Variants in ASIC2 observed in about 807,000 individuals in gnomAD.
ASIC2 encodes the protein acid sensing ion channel subunit 2, also known as acid-sensing ion channel 2.
Under a neutral mutation model 57.3 loss-of-function variants are expected in ASIC2, and 25 were observed. The ratio of observed to expected loss-of-function variants is 0.44; its 90% CI spans 0.32 to 0.61. The LOEUF (loss-of-function observed/expected upper bound fraction) is 0.61, where lower values mean the gene tolerates loss of function less well. ASIC2 is among the 20% of genes least tolerant of loss of function. The pLI is 0.06. For missense variants in ASIC2, 641 were observed against 738.1 expected, an observed-to-expected ratio of 0.87 and a Z score of 1.52; for synonymous variants, 319 against 307.5, an observed-to-expected ratio of 1.04 and a Z score of -0.39.
chr17:33,960,201 C>T (rs1454358140), intron 1 of ASIC2, among the ~76,000 whole-genome samples: 2 of 152,198 alleles, frequency 1.3e-5, no homozygotes, highest in African/African-American at 2.4e-5. Context: ...GAAGTGCTAG[C>T]CCGCAGCTGC....
chr17:33,347,141 A>G (rs1033543039), intron 1 of ASIC2, among the ~76,000 whole-genome samples: 15 of 152,142 alleles, frequency 9.9e-5, no homozygotes, highest in African/African-American at 3.6e-4. Context: ...GGAAGGAAAG[A>G]TGAATGGGAA....
intron 1 of ASIC2, among the ~76,000 whole-genome samples, chr17:33,986,588 A>G (rs933241902): frequency 2.0e-5 from 3 of 152,118 alleles, no homozygotes; most frequent in Admixed American, 6.5e-5. Context: ...TTTATCTTTA[A>G]TTCTGCAAGA....
chr17:33,649,439 CT>C lies in ASIC2; in HGVS notation c.555+506538del, dbSNP rs1163027425. Among the ~76,000 whole-genome samples the C allele has an allele frequency of 2.0e-5, 3 of 152,176 alleles. No individual in the cohort carries two copies. The East Asian group carries it at 5.8e-4, about 29-fold the overall frequency. ...CATACCATGTTCACGGATTGAAAAA[CT>C]CGACATATCAACTCTTCCCAAATTG... On this transcript the variant is annotated intron_variant, in intron 1 of 9. Coordinates refer to the ASIC2 transcript ENST00000359872.
chr17:33,610,526 C>G (rs1372494189), intron 1 of ASIC2, among the ~76,000 whole-genome samples: 1 of 151,790 alleles, frequency 6.6e-6, no homozygotes, highest in Non-Finnish European at 1.5e-5. Flanking sequence ...TATTATTTTT[C>G]TTTTTTTGGA....
At chr17:33,520,165 G>T (rs747106510) in intron 1 of ASIC2, among the ~76,000 whole-genome samples, 1 of 152,044 alleles carries the variant, frequency 6.6e-6, no homozygotes. Context: ...TTTGGGGGAG[G>T]GTCATTAATA....
intron 1 of ASIC2, among the ~76,000 whole-genome samples, chr17:33,524,303 G>A (rs1005961365): frequency 1.3e-5 from 2 of 152,156 alleles, no homozygotes; most frequent in African/African-American, 4.8e-5. Flanking sequence ...CATCGTCAGG[G>A]TAAGTATTAT....
intron 1 of ASIC2, among the ~76,000 whole-genome samples, chr17:33,502,665 A>T (rs1046016066): frequency 2.0e-5 from 3 of 152,226 alleles, no homozygotes; most frequent in Non-Finnish European, 4.4e-5. Flanking sequence ...CCGGGTTACA[A>T]TCCCAACCAT....
At chr17:33,544,639 G>A (rs548401990) in intron 1 of ASIC2, among the ~76,000 whole-genome samples, 1 of 152,164 alleles carries the variant, frequency 6.6e-6, no homozygotes, top group African/African-American at 2.4e-5. Context: ...ATTTTAAGAT[G>A]CGCCATTATT....
intron 3 of ASIC2, among the ~76,000 whole-genome samples, chr17:33,062,063 T>C (rs2092022974): frequency 6.6e-6 from 1 of 152,192 alleles, no homozygotes; most frequent in Non-Finnish European, 1.5e-5. Context: ...TTCTTCTTTA[T>C]TAGTCTTGCT....
intron 1 of ASIC2, among the ~76,000 whole-genome samples, chr17:33,476,214 C>A (rs1196595114): frequency 6.6e-6 from 1 of 152,142 alleles, no homozygotes; most frequent in South Asian, 2.1e-4. Flanking sequence ...TTCTCCTATT[C>A]TCAGTCCCAG....
At chr17:33,155,560 C>CT (rs1904969177) in intron 1 of ASIC2, among the ~76,000 whole-genome samples, 2 of 118,970 alleles carry the variant, frequency 1.7e-5, no homozygotes, top group Non-Finnish European at 1.8e-5. Context: ...TTCTTTCTTT[C>CT]TTTCTTTTTT....
chr17:33,469,941 C>T (rs754676805), intron 1 of ASIC2, among the ~76,000 whole-genome samples: 3 of 152,136 alleles, frequency 2.0e-5, no homozygotes, highest in Non-Finnish European at 2.9e-5. Flanking sequence ...AGATGAGTAA[C>T]AGCTTGGACT....
chr17:33,412,347 T>C (rs1227064034), intron 1 of ASIC2, among the ~76,000 whole-genome samples: 1 of 152,198 alleles, frequency 6.6e-6, no homozygotes, highest in Non-Finnish European at 1.5e-5. Context: ...TCTGCCTTCA[T>C]GTGGTTCATG....
At chr17:33,017,826 T>G in intron 7 of ASIC2, 142 bp from the exon 8 acceptor site, 1 of 692,200 alleles carries the variant, frequency 1.4e-6, no homozygotes, top group East Asian at 2.6e-5. Flanking sequence ...TCCAGGCCTT[T>G]GGCAGTTCCT....
At chr17:34,121,861 A>C (rs1911630496) in intron 1 of ASIC2, among the ~76,000 whole-genome samples, 1 of 152,218 alleles carries the variant, frequency 6.6e-6, no homozygotes, top group Non-Finnish European at 1.5e-5. Flanking sequence ...TTCACATAAC[A>C]AACATTTACT....
At chr17:34,038,016 A>T in intron 1 of ASIC2, 1 of 1,613,438 alleles carries the variant, frequency 6.2e-7, no homozygotes, top group African/African-American at 1.3e-5. Flanking sequence ...GGTAAATACC[A>T]ATAAGTACCA....
chr17:33,856,370 C>A (rs921086625), intron 1 of ASIC2, among the ~76,000 whole-genome samples: 1 of 86,846 alleles, frequency 1.2e-5, no homozygotes, highest in Admixed American at 1.4e-4. Context: ...TGTATGGTAG[C>A]AGTAGCAGTG....
intron 1 of ASIC2, among the ~76,000 whole-genome samples, chr17:33,352,948 C>A (rs1350506068): frequency 2.0e-5 from 3 of 152,136 alleles, no homozygotes; most frequent in Admixed American, 2.0e-4. Flanking sequence ...CTTCACAATA[C>A]CCGACCCCAG....
chr17:33,762,107 C>G (rs570448299), intron 1 of ASIC2, among the ~76,000 whole-genome samples: 1 of 152,104 alleles, frequency 6.6e-6, no homozygotes, highest in Non-Finnish European at 1.5e-5. Context: ...AGCAGGGGCT[C>G]AGACCCAAGC....
Sources: allele counts gnomAD v4.1 joint callset (sites outside exome capture counted in the v4.1 genomes callset), GRCh38; gene constraint gnomAD v4.1.1; transcripts MANE v1.5; gene names NCBI Gene and HGNC (gene_info 2026-07-23, HGNC 2026-07-21).